SH3RF2: variants seen among roughly 807,000 people sequenced by gnomAD.
SH3RF2 encodes E3 ubiquitin-protein ligase SH3RF2.
A neutral mutation model predicts 59.0 loss-of-function variants in SH3RF2; 43 were observed. That is an observed-to-expected ratio of 0.73 (90% CI 0.57 to 0.94). The LOEUF is 0.94. SH3RF2 is among the 40% of genes least tolerant of loss of function. SH3RF2 has a pLI of 0.00. For missense variants in SH3RF2, 930 were observed against 940.1 expected (o/e 0.99, Z 0.14); for synonymous variants, 391 against 391.5 (o/e 1.00, Z 0.01).
At chr5:145,996,676 A>C (rs548494716) in intron 2 of SH3RF2, among the ~76,000 whole-genome samples, 145 of 152,348 alleles carry the variant, frequency 9.5e-4, no homozygotes, top group South Asian at 8.3e-3. Context: ...GTAGAGCCAG[A>C]ATTCAAAATC....
chr5:146,018,155 T>C (rs570831692), intron 5 of SH3RF2, among the ~76,000 whole-genome samples: 1 of 152,222 alleles, frequency 6.6e-6, no homozygotes, highest in Non-Finnish European at 1.5e-5. Flanking sequence ...CATGGATGAA[T>C]TGTATAGTGG....
chr5:145,955,103 G>A (rs910757884), intron 2 of SH3RF2, among the ~76,000 whole-genome samples: 3 of 152,184 alleles, frequency 2.0e-5, no homozygotes, highest in Admixed American at 6.5e-5. Context: ...TTAGATGTGG[G>A]TGGGGACAAA....
intron 5 of SH3RF2, among the ~76,000 whole-genome samples, chr5:146,041,048 G>A (rs1762107770): frequency 6.6e-6 from 1 of 152,266 alleles, no homozygotes; most frequent in African/African-American, 2.4e-5. Flanking sequence ...ATCTGGACAT[G>A]TTAACCTTGG....
At chr5:145,983,798 G>A (rs1040641158) in intron 2 of SH3RF2, among the ~76,000 whole-genome samples, 6 of 152,120 alleles carry the variant, frequency 3.9e-5, no homozygotes, top group African/African-American at 9.7e-5. Context: ...TTCAATAAGC[G>A]AGAGTCTCCA....
At position 145,993,926 on chromosome 5, in the gene SH3RF2, A is replaced by G. The variant is rs567533894; in HGVS notation, c.379-6132A>G. 3.3e-3 allele frequency among the ~76,000 whole-genome samples: 510 copies of G among 152,330 alleles called. 3 individuals are homozygous for G. The highest frequency in any genetic ancestry group is 0.012 in the African/African-American group (490 of 41,576). ...CTCAGAAAATGGGATTTTCTTTTCT[A>G]TCACATTGTCAGACTGCAAATTTTC... On this transcript the variant is annotated intron_variant, in intron 2 of 9. Transcript: ENST00000359120.
chr5:146,050,139 G>C (rs984193120), intron 7 of SH3RF2: 2 of 152,240 alleles, frequency 1.3e-5, no homozygotes, highest in African/African-American at 2.4e-5. Flanking sequence ...TGAGGAGACA[G>C]CAAACTATAT....
intron 5 of SH3RF2, among the ~76,000 whole-genome samples, chr5:146,020,473 A>C (rs1488422159): frequency 6.6e-6 from 1 of 152,072 alleles, no homozygotes; most frequent in Non-Finnish European, 1.5e-5. Flanking sequence ...TTTTTGTTGC[A>C]TTCACCTGTT....
chr5:145,997,226 A>T, intron 2 of SH3RF2: 1 of 886,538 alleles, frequency 1.1e-6, no homozygotes, highest in East Asian at 2.4e-5. Context: ...AGATGGGAAA[A>T]CTGACAACCA....
At chr5:146,032,773 C>A (rs141529299) in intron 5 of SH3RF2, among the ~76,000 whole-genome samples, 6 of 152,350 alleles carry the variant, frequency 3.9e-5, no homozygotes, top group African/African-American at 7.2e-5. Flanking sequence ...ACTGGGAAAT[C>A]TCTTCTCAGG....
intron 2 of SH3RF2, among the ~76,000 whole-genome samples, chr5:145,938,594 G>A (rs1026102912): frequency 2.0e-5 from 3 of 152,182 alleles, no homozygotes; most frequent in Admixed American, 2.0e-4. Context: ...TATTTTTGGT[G>A]TTTCACTTCT....
At chr5:146,027,359 GCTGTCCTCAC>G (rs1761565864) in intron 5 of SH3RF2, among the ~76,000 whole-genome samples, 1 of 152,210 alleles carries the variant, frequency 6.6e-6, no homozygotes, top group Non-Finnish European at 1.5e-5. Flanking sequence ...TTCTGGGAAT[GCTGTCCTCAC>G]CTGGCAAGCG....
intron 1 of SH3RF2, among the ~76,000 whole-genome samples, chr5:145,937,415 G>A (rs1224193642): frequency 6.6e-6 from 1 of 152,160 alleles, no homozygotes; most frequent in East Asian, 1.9e-4. Flanking sequence ...TTTAGGGGAA[G>A]GAGGAGGAGG....
intron 2 of SH3RF2, among the ~76,000 whole-genome samples, chr5:145,940,103 C>T (rs1364366634): frequency 6.6e-6 from 1 of 152,108 alleles, no homozygotes; most frequent in Non-Finnish European, 1.5e-5. Flanking sequence ...GATACTGGGT[C>T]TCTCTGGAAT....
chr5:145,990,294 A>G (rs1759884115), intron 2 of SH3RF2, among the ~76,000 whole-genome samples: 2 of 152,206 alleles, frequency 1.3e-5, no homozygotes, highest in Non-Finnish European at 2.9e-5. Flanking sequence ...GAACTACACT[A>G]TATTGCACTG....
intron 5 of SH3RF2, among the ~76,000 whole-genome samples, chr5:146,018,635 T>C (rs1761198007): frequency 6.6e-6 from 1 of 152,166 alleles, no homozygotes; most frequent in Non-Finnish European, 1.5e-5. Flanking sequence ...AATGACTTCT[T>C]GTCCTTTGGG....
intron 2 of SH3RF2, among the ~76,000 whole-genome samples, chr5:145,993,336 C>T (rs1760025290): frequency 6.6e-6 from 1 of 152,292 alleles, no homozygotes; most frequent in Admixed American, 6.5e-5. Context: ...ATTCTGTGGT[C>T]TGGAGGATGG....
intron 2 of SH3RF2, among the ~76,000 whole-genome samples, chr5:145,955,080 T>C (rs1758341147): frequency 6.6e-6 from 1 of 152,146 alleles, no homozygotes; most frequent in South Asian, 2.1e-4. Flanking sequence ...GTACTGGTGA[T>C]TATGATTCAA....
chr5:145,941,719 C>T (rs955274268), intron 2 of SH3RF2, among the ~76,000 whole-genome samples: 2 of 152,170 alleles, frequency 1.3e-5, no homozygotes, highest in African/African-American at 4.8e-5. Flanking sequence ...TGCCCCTCAA[C>T]AGTTCTGCAC....
intron 5 of SH3RF2, among the ~76,000 whole-genome samples, chr5:146,046,662 A>G (rs1040034278): frequency 6.6e-6 from 1 of 152,242 alleles, no homozygotes; most frequent in Non-Finnish European, 1.5e-5. Flanking sequence ...CATGGAATTT[A>G]CAGTCTAGCA....
Sources: allele counts gnomAD v4.1 joint callset (sites outside exome capture counted in the v4.1 genomes callset), GRCh38; gene constraint gnomAD v4.1.1; transcripts MANE v1.5; gene names NCBI Gene and HGNC (gene_info 2026-07-23, HGNC 2026-07-21).